TMEM178B: variants seen among roughly 807,000 people sequenced by gnomAD.
The protein encoded by TMEM178B is transmembrane protein 178B.
A neutral mutation model predicts 31.0 loss-of-function variants in TMEM178B; 5 were observed. The observed-to-expected ratio is 0.16, with a 90% CI of 0.08 to 0.34. The LOEUF is 0.34. Among genes scored for constraint, TMEM178B ranks in the 10% least tolerant of loss-of-function variants. TMEM178B has a pLI of 1.00. For synonymous variants in TMEM178B, 164 were observed against 164.0 expected, an observed-to-expected ratio of 1.00 and a Z score of 0.00; for missense variants, 275 against 400.3, an observed-to-expected ratio of 0.69 and a Z score of 2.67.
intron 2 of TMEM178B, among the ~76,000 whole-genome samples, chr7:141,280,986 T>G (rs906772641): frequency 2.6e-5 from 4 of 152,224 alleles, no homozygotes; most frequent in Admixed American, 6.5e-5. Context: ...TAGGGATGAA[T>G]GCTTTTGCAA....
At chr7:141,260,051 C>T (rs1439814695) in intron 2 of TMEM178B, among the ~76,000 whole-genome samples, 2 of 152,028 alleles carry the variant, frequency 1.3e-5, no homozygotes, top group Non-Finnish European at 2.9e-5. Context: ...TATCAAGACC[C>T]CGATGTTTTA....
At chr7:141,509,547 G>A in the TMEM178B span, among the ~76,000 whole-genome samples, 3 of 152,126 alleles carry the variant, frequency 2.0e-5, no homozygotes, top group African/African-American at 7.2e-5. Context: ...CTACTCAGGA[G>A]GCTGAGGTAG....
intron 2 of TMEM178B, among the ~76,000 whole-genome samples, chr7:141,251,297 G>A (rs975642043): frequency 6.6e-6 from 1 of 151,924 alleles, no homozygotes; most frequent in East Asian, 1.9e-4. Context: ...AATCAGAGAA[G>A]CATTAAAGAA....
intron 2 of TMEM178B, among the ~76,000 whole-genome samples, chr7:141,264,607 T>C (rs925071472): frequency 3.3e-5 from 5 of 152,180 alleles, no homozygotes; most frequent in African/African-American, 1.2e-4. Flanking sequence ...AGTGGATTTG[T>C]TGGTAAGTGA....
chr7:141,344,626 TCCTC>T lies in TMEM178B; in HGVS notation c.497-92978_497-92975del, dbSNP rs1381997216. On this transcript the variant is annotated intron_variant, in intron 2 of 3. Coordinates refer to ENST00000565468, the MANE Select transcript of TMEM178B (RefSeq NM_001195278.2). The surrounding 1 kb of genome is among the most constrained non-coding windows in gnomAD (Gnocchi z 4.1). Reference sequence around the variant, plus strand: ...TTCCTTCCTTCCTTCCTTCCTTCCTTCCTCCCTTCCTTCTTCCCTTCATCAAAAG... The same window carrying T: ...TTCCTTCCTTCCTTCCTTCCTTCCTTCCTTCCTTCTTCCCTTCATCAAAAG... 1.0e-3 allele frequency among the ~76,000 whole-genome samples: 131 copies of T among 127,464 alleles called. No individual in the cohort carries two copies. Among genetic ancestry groups the T allele is most frequent in the South Asian group, 9.9e-3 (37 of 3,734 alleles). The allele number at this position is 127,464 out of a possible 152,430, so 83.6% of individuals were successfully genotyped here.
At chr7:141,494,323 G>T in the TMEM178B span, among the ~76,000 whole-genome samples, 2 of 152,116 alleles carry the variant, frequency 1.3e-5, no homozygotes, top group Non-Finnish European at 2.9e-5. Flanking sequence ...AGTTGATTCT[G>T]ATTTCAGTTA....
intron 2 of TMEM178B, among the ~76,000 whole-genome samples, chr7:141,245,671 T>G (rs183675307): frequency 6.6e-6 from 1 of 152,298 alleles, no homozygotes; most frequent in African/African-American, 2.4e-5. Flanking sequence ...TGCAGCCACA[T>G]CGTATACATA....
Position 141,479,675 on chromosome 7 carries a change from G to C in TMEM178B, c.*8889G>C, listed in dbSNP as rs1802439128. On this transcript the variant is annotated 3_prime_UTR_variant, in exon 4 of 4. Coordinates refer to ENST00000565468, the MANE Select transcript of TMEM178B (RefSeq NM_001195278.2). The stretch of plus-strand genomic sequence containing the variant: ...TACTGAGCAAAAATGAGCTGATTTG[G>C]TGAGTATGTTTTATATATGGTCATT... 1 of 152,164 alleles carries C rather than the reference G, an allele frequency of 6.6e-6. No homozygotes were observed. The highest frequency in any genetic ancestry group is 6.5e-5 in the Admixed American group (1 of 15,276). The allele number at this position is 152,164 out of a possible 1,614,324, so 9.4% of individuals were successfully genotyped here.
At chr7:141,342,545 C>G (rs1799533268) in intron 2 of TMEM178B, among the ~76,000 whole-genome samples, 1 of 152,162 alleles carries the variant, frequency 6.6e-6, no homozygotes, top group African/African-American at 2.4e-5. Context: ...TCCTGATGAC[C>G]CTCAGGGAGG....
chr7:141,220,377 T>C (rs1797238586), intron 2 of TMEM178B, among the ~76,000 whole-genome samples: 1 of 151,398 alleles, frequency 6.6e-6, no homozygotes, highest in East Asian at 1.9e-4. Context: ...TAAATGCATG[T>C]GCATGTACAG....
At chr7:141,491,312 T>C in the TMEM178B span, among the ~76,000 whole-genome samples, 202 of 152,322 alleles carry the variant, frequency 1.3e-3, 1 homozygote, top group Middle Eastern at 6.8e-3. Context: ...GGATTACATG[T>C]GTGAGTCACT....
intron 2 of TMEM178B, among the ~76,000 whole-genome samples, chr7:141,308,345 T>C (rs2116453248): frequency 6.6e-6 from 1 of 152,324 alleles, no homozygotes; most frequent in East Asian, 1.9e-4. Flanking sequence ...ATTGGAAATG[T>C]GTTGTACATT....
intron 1 of TMEM178B, among the ~76,000 whole-genome samples, chr7:141,194,917 G>T (rs941622534): frequency 1.3e-5 from 2 of 152,218 alleles, no homozygotes; most frequent in African/African-American, 4.8e-5. Flanking sequence ...CGTGGAAGCT[G>T]CCAAGGCTTG....
chr7:141,124,414 C>T (rs572446273), intron 1 of TMEM178B, among the ~76,000 whole-genome samples: 1 of 152,184 alleles, frequency 6.6e-6, no homozygotes, highest in African/African-American at 2.4e-5. Flanking sequence ...ACTTCTGCCT[C>T]AATGGACACA....
chr7:141,228,952 C>T (rs1272116418), intron 2 of TMEM178B, among the ~76,000 whole-genome samples: 1 of 149,938 alleles, frequency 6.7e-6, no homozygotes, highest in African/African-American at 2.5e-5. Context: ...TCATCTCCTT[C>T]AGTGAGATGG....
chr7:141,372,069 G>GCCTTCT (rs1009804344), intron 2 of TMEM178B, among the ~76,000 whole-genome samples: 1 of 152,090 alleles, frequency 6.6e-6, no homozygotes, highest in African/African-American at 2.4e-5. Flanking sequence ...ACAGAGAGTT[G>GCCTTCT]CCTTCTCCTC....
chr7:141,247,971 T>C (rs1303863353), intron 2 of TMEM178B, among the ~76,000 whole-genome samples: 1 of 152,082 alleles, frequency 6.6e-6, no homozygotes, highest in Non-Finnish European at 1.5e-5. Context: ...CCCTGTCATG[T>C]GTCCTCCCCT....
chr7:141,207,295 A>G (rs1200265244), intron 1 of TMEM178B, among the ~76,000 whole-genome samples: 2 of 152,148 alleles, frequency 1.3e-5, no homozygotes, highest in African/African-American at 4.8e-5. Context: ...TAGTGATTTC[A>G]ATTGTTTTGG....
intron 2 of TMEM178B, among the ~76,000 whole-genome samples, chr7:141,383,155 TC>T (rs1800354799): frequency 2.0e-5 from 3 of 148,446 alleles, no homozygotes; most frequent in African/African-American, 7.4e-5. Flanking sequence ...TTTCTTTCTT[TC>T]TTTCTTTCTT....
Sources: allele counts gnomAD v4.1 joint callset (sites outside exome capture counted in the v4.1 genomes callset), GRCh38; gene constraint gnomAD v4.1.1; non-coding constraint Gnocchi (gnomAD v3.1); transcripts MANE v1.5; gene names NCBI Gene and HGNC (gene_info 2026-07-23, HGNC 2026-07-21).